The following USF2 variants were observed in gnomAD, a reference collection of about 807,000 sequenced individuals.
USF2 encodes upstream stimulatory factor 2.
USF2 carries 16 observed loss-of-function variants against 46.9 expected under a neutral mutation model. The observed-to-expected ratio is 0.34, with a 90% CI of 0.23 to 0.52. The LOEUF is 0.52. USF2 is among the 20% of genes least tolerant of loss of function. USF2 has a pLI of 0.96. For missense variants in USF2, 411 were observed against 474.0 expected (o/e 0.87, Z 1.23); for synonymous variants, 239 against 194.1 (o/e 1.23, Z -1.92).
In USF2 at chr19:35,270,794, C is replaced by A; in HGVS notation, c.657C>A (p.His219Gln). Residue 219 changes from histidine (H) to glutamine (Q), a missense_variant, in exon 6 of 10, where the codon CAC becomes CAA. His to Gln is a conservative substitution (Grantham distance 24). Transcript: ENST00000222305. The part of the protein sequence containing the change: ...GTQRTIAPRT[H>Q]PYSPKIDGTR... The stretch of plus-strand genomic sequence containing the variant: ...AGAGGACGATCGCCCCCCGGACACA[C>A]CCTTACTCTCCGTATGTGCAGGGGA... The A allele has an allele frequency of 1.9e-6, 3 of 1,614,118 alleles. No individual in the cohort carries two copies. The Admixed American group carries it at 5.0e-5, about 27-fold the overall frequency.
In USF2 at chr19:35,270,823, C is replaced by T. The variant is rs2066143110; in HGVS notation, c.668+18C>T. ...TACTCTCCGTATGTGCAGGGGACAC[C>T]TGGAGGGCCTGGTGTTGAAATGGAA... On this transcript the variant is annotated intron_variant, in intron 6 of 9. Transcript: ENST00000222305. 6.2e-7 allele frequency: 1 copy of T among 1,613,896 alleles called. No homozygotes were observed. The highest frequency in any genetic ancestry group is 8.5e-7 in the Non-Finnish European group (1 of 1,179,856).
chr19:35,269,547 G>T (rs1285985612), intron 2 of USF2, 34 bp from the exon 3 acceptor site: 3 of 1,561,300 alleles, frequency 1.9e-6, no homozygotes, highest in Admixed American at 1.9e-5. Context: ...GCTCGGCGCG[G>T]CCCTGACCGT....
chr19:35,271,226 G>T (rs1297208025), intron 7 of USF2, 85 bp downstream of exon 7: 2 of 1,541,656 alleles, frequency 1.3e-6, no homozygotes, highest in Non-Finnish European at 1.8e-6. Flanking sequence ...GACAGAGAGA[G>T]AAGCCACTCC....
Position 35,279,028 on chromosome 19 carries a change from A to G in USF2, c.905A>G (p.Lys302Arg). The change falls in exon 9 of 10, where the codon AAA (lysine) becomes AGA (arginine). Residue 302 changes from lysine (K) to arginine (R), a missense_variant. Physicochemically the swap from Lys to Arg is conservative, Grantham distance 26. Transcript: ENST00000222305. ...QTNQRMQETF[K>R]EAERLQMDNE... is the part of the protein sequence containing the mutation. ...AACCAGCGCATGCAGGAGACCTTCAAAGAGGCCGAGCGGCTGCAGATGGAC... is the reference window on the plus strand; with the variant it reads ...AACCAGCGCATGCAGGAGACCTTCAGAGAGGCCGAGCGGCTGCAGATGGAC... 3.8e-6 allele frequency: 6 copies of G among 1,590,674 alleles called. No individual in the cohort carries two copies. In the South Asian group the frequency reaches 6.8e-5, roughly 18 times the overall value.
intron 7 of USF2, among the ~76,000 whole-genome samples, chr19:35,272,155 A>G (rs956759778): frequency 1.3e-5 from 2 of 152,130 alleles, no homozygotes; most frequent in African/African-American, 2.4e-5. Context: ...GCGCGTGCAT[A>G]CTACGACCAG....
chr19:35,273,579 A>AG lies in USF2; in HGVS notation c.727+2443dup, dbSNP rs757190902. Among the ~76,000 whole-genome samples the AG allele has an allele frequency of 3.8e-4, 58 of 152,150 alleles. 1 individual carries two copies. Among genetic ancestry groups the AG allele is most frequent in the Non-Finnish European group, 7.4e-4 (50 of 67,988 alleles). ...TGCGAGTGTTTCTTTTTTTTTGAGA[A>AG]GGGGGTCTCACTCTGTCACCCAGGC... On this transcript the variant is annotated intron_variant, in intron 7 of 9. Transcript: ENST00000222305.
At chr19:35,278,650 A>G in intron 7 of USF2, 48 bp from the exon 8 acceptor site, 2 of 1,597,238 alleles carry the variant, frequency 1.3e-6, no homozygotes, top group Non-Finnish European at 8.6e-7. Context: ...ACGGCCGCTC[A>G]GGCATGATCC....
chr19:35,274,644 A>C (rs2066206912), intron 7 of USF2, among the ~76,000 whole-genome samples: 1 of 152,210 alleles, frequency 6.6e-6, no homozygotes, highest in Admixed American at 6.5e-5. Context: ...TCTACCAAAA[A>C]AATTAAAAAT....
intron 7 of USF2, chr19:35,277,160 G>A (rs1408780673): frequency 1.3e-5 from 2 of 152,512 alleles, no homozygotes; most frequent in Non-Finnish European, 2.9e-5. Flanking sequence ...GTTCCCAAAG[G>A]CGGGTGTGGT....
intron 7 of USF2, among the ~76,000 whole-genome samples, chr19:35,272,653 G>T (rs1357929567): frequency 6.6e-6 from 1 of 152,116 alleles, no homozygotes; most frequent in Non-Finnish European, 1.5e-5. Flanking sequence ...GCCAGCAGAG[G>T]GGTTTGGGTT....
chr19:35,271,214 G>C, intron 7 of USF2, 73 bp downstream of exon 7: 1 of 1,579,752 alleles, frequency 6.3e-7, no homozygotes, highest in Non-Finnish European at 8.6e-7. Context: ...GGAGTGTGGA[G>C]TGACAGAGAG....
chr19:35,274,264 C>T (rs2066201175), intron 7 of USF2, among the ~76,000 whole-genome samples: 1 of 152,192 alleles, frequency 6.6e-6, no homozygotes, highest in Non-Finnish European at 1.5e-5. Flanking sequence ...AAAGCTACCC[C>T]TGTCACAGCT....
In USF2 at chr19:35,269,295, G is replaced by T. The variant is rs918663355; in HGVS notation, c.62+132G>T. The stretch of plus-strand genomic sequence containing the variant: ...AAATGGAGGCCGCCGGCGCGGGGGG[G>T]ACCTGGCGCCTCCCGCCCCCGGCCC... On this transcript the variant is annotated intron_variant, in intron 1 of 9. Coordinates refer to ENST00000222305, the MANE Select transcript of USF2 (RefSeq NM_003367.4). The T allele has an allele frequency of 1.1e-3, 922 of 874,918 alleles. 1 individual carries two copies. Among genetic ancestry groups the T allele is most frequent in the Non-Finnish European group, 1.2e-3 (874 of 733,822 alleles). The allele number at this position is 874,918 out of a possible 1,614,324, so 54.2% of individuals were successfully genotyped here.
chr19:35,277,669 G>GT (rs2066253083), intron 7 of USF2: 1 of 152,274 alleles, frequency 6.6e-6, no homozygotes, highest in South Asian at 2.1e-4. Flanking sequence ...ATAGGGCTTC[G>GT]TTCCCCTCCA....
chr19:35,270,426 C>T (rs751960429), intron 4 of USF2, 21 bp from the exon 5 acceptor site: 11 of 1,604,802 alleles, frequency 6.9e-6, no homozygotes, highest in Admixed American at 1.7e-5. Flanking sequence ...TAAGGGTAGC[C>T]TCTGCCCTCC....
At chr19:35,270,297 G>C (rs1252369582) in intron 4 of USF2, 150 bp from the exon 5 acceptor site, 1 of 1,240,382 alleles carries the variant, frequency 8.1e-7, no homozygotes, top group Non-Finnish European at 1.1e-6. Context: ...TTCCAGGGCT[G>C]TTTGAAACAC....
Position 35,269,576 on chromosome 19 carries a change from C to T in USF2, c.110-5C>T, listed in dbSNP as rs2066113227. ...TGACCGTGCCCCGACCCTCCTCGGCCCCAGGCGGGGACGGCCCAGGAGCGG... is the reference window on the plus strand; with the variant it reads ...TGACCGTGCCCCGACCCTCCTCGGCTCCAGGCGGGGACGGCCCAGGAGCGG... On this transcript the variant is annotated splice_polypyrimidine_tract_variant and splice_region_variant and intron_variant, in intron 2 of 9. Transcript: ENST00000222305. The T allele has an allele frequency of 6.3e-7, 1 of 1,581,398 alleles. No homozygotes were observed. Among genetic ancestry groups the T allele is most frequent in the Non-Finnish European group, 8.6e-7 (1 of 1,165,696 alleles).
chr19:35,273,484 G>A (rs954348212), intron 7 of USF2, among the ~76,000 whole-genome samples: 18 of 152,192 alleles, frequency 1.2e-4, no homozygotes, highest in African/African-American at 4.3e-4. Flanking sequence ...GGGGTGCCGG[G>A]GAATCTGTGT....
chr19:35,273,814 A>G (rs1252015314), intron 7 of USF2, among the ~76,000 whole-genome samples: 2 of 152,176 alleles, frequency 1.3e-5, no homozygotes, highest in Non-Finnish European at 2.9e-5. Flanking sequence ...CCTCGGCTAC[A>G]GGCCTGAGCT....
Sources: gnomAD v4.1 joint callset for allele counts (sites outside exome capture counted in the v4.1 genomes callset) on GRCh38, gnomAD v4.1.1 for gene constraint, MANE v1.5 for transcripts, NCBI Gene and HGNC (gene_info 2026-07-23, HGNC 2026-07-21) for gene names.